Variants in GRIK2 observed in about 807,000 individuals in gnomAD.
GRIK2 encodes glutamate receptor ionotropic, kainate 2.
Under a neutral mutation model 100.3 loss-of-function variants are expected in GRIK2, and 32 were observed. That is an observed-to-expected ratio of 0.32 (90% CI 0.24 to 0.43). The LOEUF (loss-of-function observed/expected upper bound fraction) is 0.43. GRIK2 is among the 20% of genes least tolerant of loss of function. The pLI, the probability that GRIK2 is intolerant of heterozygous loss-of-function variation, is 1.00. For missense variants in GRIK2, 843 were observed against 1,114.9 expected (o/e 0.76, Z 3.47); for synonymous variants, 417 against 389.4 (o/e 1.07, Z -0.83).
chr6:101,934,453 A>T (rs915665982), intron 14 of GRIK2, among the ~76,000 whole-genome samples: 7 of 151,822 alleles, frequency 4.6e-5, no homozygotes, highest in African/African-American at 1.7e-4. Context: ...ATTGTATATG[A>T]TAGTATATGG....
At chr6:101,878,459 G>A (rs1489328366) in intron 11 of GRIK2, among the ~76,000 whole-genome samples, 2 of 151,818 alleles carry the variant, frequency 1.3e-5, no homozygotes, top group Admixed American at 6.6e-5. Flanking sequence ...GGGAGGCCAT[G>A]AGAAATTGCC....
At chr6:101,462,717 A>G (rs1771394936) in intron 2 of GRIK2, among the ~76,000 whole-genome samples, 1 of 152,194 alleles carries the variant, frequency 6.6e-6, no homozygotes, top group African/African-American at 2.4e-5. Flanking sequence ...GAAATGAGAG[A>G]TGGTGTGCAG....
intron 15 of GRIK2, among the ~76,000 whole-genome samples, chr6:102,042,749 T>A (rs1770658087): frequency 6.6e-6 from 1 of 151,728 alleles, no homozygotes. Flanking sequence ...ACTATTCTAA[T>A]GATTGCTGAT....
chr6:101,688,166 T>A (rs1248841134), intron 7 of GRIK2, among the ~76,000 whole-genome samples: 1 of 149,634 alleles, frequency 6.7e-6, no homozygotes, highest in Non-Finnish European at 1.5e-5. Context: ...AATTCTTTGA[T>A]TTCAGGATGA....
At chr6:101,993,898 A>G (rs1329659652) in intron 14 of GRIK2, 1 of 147,998 alleles carries the variant, frequency 6.8e-6, no homozygotes, top group Admixed American at 6.8e-5. Context: ...TATATATTAT[A>G]CACACATATA....
At chr6:101,567,401 C>A (rs1302164832) in intron 2 of GRIK2, among the ~76,000 whole-genome samples, 1 of 151,926 alleles carries the variant, frequency 6.6e-6, no homozygotes, top group East Asian at 1.9e-4. Context: ...TCTGTCATGT[C>A]ACTGACTTCT....
At chr6:101,402,171 G>T (rs1175830108) in intron 2 of GRIK2, among the ~76,000 whole-genome samples, 2 of 152,056 alleles carry the variant, frequency 1.3e-5, no homozygotes, top group African/African-American at 4.8e-5. Flanking sequence ...TCCCCCGCCC[G>T]TCTTCAGCGT....
rs74874365 is a variant in GRIK2 at position 101,421,448 on chromosome 6, C to T, written c.115+22056C>T. Among the ~76,000 whole-genome samples, 886 of 152,208 alleles carry T rather than the reference C, an allele frequency of 5.8e-3. 4 individuals are homozygous for T. The highest frequency in any genetic ancestry group is 0.02 in the African/African-American group (846 of 41,536). ...CAATGTGGGACCTTCCAGTTGTCTG[C>T]GTCTCCCCAAGCCTGAGAAATGGTG... On this transcript the variant is annotated intron_variant, in intron 2 of 16. Transcript: ENST00000369134.
At chr6:101,972,761 C>T (rs537035614) in intron 14 of GRIK2, among the ~76,000 whole-genome samples, 1 of 151,816 alleles carries the variant, frequency 6.6e-6, no homozygotes, top group East Asian at 2.0e-4. Flanking sequence ...TTCTTCTGCA[C>T]ATGGCTAGCC....
intron 10 of GRIK2, among the ~76,000 whole-genome samples, chr6:101,837,951 CGTGGT>C (rs1783243855): frequency 6.6e-6 from 1 of 152,062 alleles, no homozygotes; most frequent in Non-Finnish European, 1.5e-5. Flanking sequence ...AATGTGTCTC[CGTGGT>C]ATTAAGAAAG....
intron 7 of GRIK2, among the ~76,000 whole-genome samples, chr6:101,696,773 TAA>T (rs1350073306): frequency 6.6e-6 from 1 of 151,952 alleles, no homozygotes; most frequent in Non-Finnish European, 1.5e-5. Flanking sequence ...GAAAGATCCC[TAA>T]ACTATTGTCA....
chr6:101,585,876 T>C (rs1158778054), intron 2 of GRIK2, among the ~76,000 whole-genome samples: 1 of 152,038 alleles, frequency 6.6e-6, no homozygotes, highest in Non-Finnish European at 1.5e-5. Context: ...AGCTGTACAA[T>C]CATGTGGTGG....
In GRIK2 at chr6:101,894,125, TCTA is replaced by T. The variant is rs201371565; in HGVS notation, c.1748+4263_1748+4265del. ...ATATTAATTTTATTACAAATTAAGA[TCTA>T]ATAATAATTGTTAGAATTTATGTTT... On this transcript the variant is annotated intron_variant, in intron 12 of 16. Coordinates refer to ENST00000369134, the MANE Select transcript of GRIK2 (RefSeq NM_021956.5). 5.0e-3 allele frequency among the ~76,000 whole-genome samples: 764 copies of T among 151,652 alleles called. 9 individuals carry two copies. Among genetic ancestry groups the T allele is most frequent in the African/African-American group, 0.017 (698 of 41,514 alleles).
intron 7 of GRIK2, among the ~76,000 whole-genome samples, chr6:101,785,244 A>G (rs1779348764): frequency 6.6e-6 from 1 of 151,998 alleles, no homozygotes; most frequent in Non-Finnish European, 1.5e-5. Context: ...AATATTTTCT[A>G]CCATTCAACA....
At chr6:102,010,422 C>T (rs923714992) in intron 14 of GRIK2, among the ~76,000 whole-genome samples, 5 of 150,842 alleles carry the variant, frequency 3.3e-5, no homozygotes, top group Non-Finnish European at 7.4e-5. Flanking sequence ...CTCACTCTGT[C>T]GCCCAGGCTG....
At chr6:101,844,792 C>T (rs973830818) in intron 10 of GRIK2, among the ~76,000 whole-genome samples, 9 of 152,052 alleles carry the variant, frequency 5.9e-5, no homozygotes, top group African/African-American at 2.2e-4. Context: ...GTTCAGAGGG[C>T]TAGATACATG....
intron 16 of GRIK2, among the ~76,000 whole-genome samples, chr6:102,066,139 ATTAAT>A (rs1283161282): frequency 6.6e-6 from 1 of 151,588 alleles, no homozygotes; most frequent in Non-Finnish European, 1.5e-5. Context: ...TAATATTTTT[ATTAAT>A]TTAATGTTAT....
intron 2 of GRIK2, among the ~76,000 whole-genome samples, chr6:101,576,088 T>A (rs1027719480): frequency 6.6e-6 from 1 of 152,084 alleles, no homozygotes; most frequent in Non-Finnish European, 1.5e-5. Context: ...ATATATGATA[T>A]TATGATAGGA....
chr6:101,531,797 C>T (rs758971539), intron 2 of GRIK2, among the ~76,000 whole-genome samples: 11 of 151,842 alleles, frequency 7.2e-5, no homozygotes, highest in South Asian at 4.1e-4. Context: ...GAGCTATCCT[C>T]GTGTCCTAAA....
Sources: allele counts gnomAD v4.1 joint callset (sites outside exome capture counted in the v4.1 genomes callset), GRCh38; gene constraint gnomAD v4.1.1; transcripts MANE v1.5; gene names NCBI Gene and HGNC (gene_info 2026-07-23, HGNC 2026-07-21).